Variants in GARNL3 observed in about 807,000 individuals in gnomAD.
GARNL3 encodes the protein GTPase activating Rap/RanGAP domain like 3.
A neutral mutation model predicts 125.0 loss-of-function variants in GARNL3; 63 were observed. The observed-to-expected ratio is 0.50, with a 90% CI of 0.41 to 0.62. The LOEUF (loss-of-function observed/expected upper bound fraction) is 0.62. GARNL3 is among the 20% of genes least tolerant of loss of function. The probability of loss-of-function intolerance (pLI) is 0.00; values close to 1 mark genes in which losing one functional copy is unlikely to be tolerated. For synonymous variants in GARNL3, 439 were observed against 457.5 expected (o/e 0.96, Z 0.52); for missense variants, 994 against 1,244.0 (o/e 0.80, Z 3.02).
At chr9:127,356,760 T>C (rs1033378727) in intron 20 of GARNL3, among the ~76,000 whole-genome samples, 4 of 152,240 alleles carry the variant, frequency 2.6e-5, no homozygotes, top group African/African-American at 9.6e-5. Context: ...GTGTAAACTT[T>C]GTGATGACTT....
Position 127,339,695 on chromosome 9 carries a change from C to G in GARNL3, c.1079C>G (p.Pro360Arg). ...GTACCACTCTTTGGCCCTCCCTTGC[C>G]AACTCCACCAGTGTTTACAGACCAC... is the stretch of plus-strand genomic sequence containing the variant. ...ESVPLFGPPLPTPPVFTDHQE... is the reference protein window; with the variant it reads ...ESVPLFGPPLRTPPVFTDHQE... The change falls in exon 13 of 28, where the codon CCA becomes CGA. Residue 360 changes from proline to arginine, a missense_variant. Pro to Arg is a moderately radical substitution (Grantham distance 103, BLOSUM62 -2). Coordinates refer to ENST00000373387, the MANE Select transcript of GARNL3 (RefSeq NM_032293.5). 1 of 1,613,910 alleles carries G rather than the reference C, an allele frequency of 6.2e-7. No homozygotes were observed. The highest frequency in any genetic ancestry group is 1.1e-5 in the South Asian group (1 of 91,084).
intron 1 of GARNL3, among the ~76,000 whole-genome samples, chr9:127,232,117 G>T (rs2063029160): frequency 6.6e-6 from 1 of 152,150 alleles, no homozygotes; most frequent in African/African-American, 2.4e-5. Flanking sequence ...CCCTGAGAGT[G>T]AAGTCAAAGC....
intron 1 of GARNL3, among the ~76,000 whole-genome samples, chr9:127,232,811 T>C (rs935708230): frequency 2.6e-5 from 4 of 152,220 alleles, no homozygotes; most frequent in Non-Finnish European, 5.9e-5. Context: ...ATCTTCTGGG[T>C]TGACTTTATG....
chr9:127,342,923 G>GCT (rs1829945338), intron 14 of GARNL3, among the ~76,000 whole-genome samples: 1 of 134,890 alleles, frequency 7.4e-6, no homozygotes, highest in Admixed American at 8.2e-5. Context: ...TGGAGACAGA[G>GCT]CTTCTCTCTT....
Position 127,225,731 on chromosome 9 carries a change from C to T in GARNL3, c.-29+1393C>T, listed in dbSNP as rs1436453284. Among the ~76,000 whole-genome samples the T allele has an allele frequency of 8.7e-5, 13 of 150,176 alleles. No individual in the cohort carries two copies. In the East Asian group the frequency reaches 2.6e-3, roughly 30 times the overall value. On this transcript the variant is annotated intron_variant, in intron 1 of 10. Coordinates refer to the GARNL3 transcript ENST00000439286. ...CTCAAGGGCAAGGTCGGGAGCTCAC[C>T]CCTCCGTCCACTGGAGGCTTCCTTC...
chr9:127,265,109 T>G, intron 1 of GARNL3, 88 bp downstream of exon 1: 1 of 1,178,656 alleles, frequency 8.5e-7, no homozygotes, highest in Non-Finnish European at 1.2e-6. Flanking sequence ...GTTGTATATT[T>G]ACTGTTAGAC....
intron 2 of GARNL3, among the ~76,000 whole-genome samples, chr9:127,292,593 A>G (rs1588773948): frequency 1.3e-5 from 2 of 152,176 alleles, no homozygotes; most frequent in South Asian, 4.2e-4. Flanking sequence ...AAATGGACAA[A>G]CCAAACTGGA....
chr9:127,389,921 T>TAAAA (rs1169168184), intron 26 of GARNL3, among the ~76,000 whole-genome samples: 1 of 78,686 alleles, frequency 1.3e-5, no homozygotes, highest in Admixed American at 1.5e-4. Context: ...ACCCTGTCTT[T>TAAAA]AAAAAAAAAA....
At chr9:127,234,237 T>A (rs999499057) in intron 1 of GARNL3, among the ~76,000 whole-genome samples, 1 of 152,222 alleles carries the variant, frequency 6.6e-6, no homozygotes, top group Non-Finnish European at 1.5e-5. Flanking sequence ...TTTAAATTAA[T>A]GCAAACCAGC....
upstream of GARNL3, chr9:127,264,067 T>A (rs2063649513): frequency 3.2e-6 from 3 of 944,876 alleles, no homozygotes; most frequent in Non-Finnish European, 4.7e-6. Flanking sequence ...ATGTTATTCC[T>A]ATATAATTTT....
At chr9:127,365,556 C>G (rs1831242947) in intron 22 of GARNL3, among the ~76,000 whole-genome samples, 190 bp downstream of exon 22, 1 of 152,132 alleles carries the variant, frequency 6.6e-6, no homozygotes, top group African/African-American at 2.4e-5. Flanking sequence ...CTCTTGGTGA[C>G]ACAGTGCAAG....
At chr9:127,383,330 G>A in intron 22 of GARNL3, 108 bp from the exon 23 acceptor site, 1 of 640,658 alleles carries the variant, frequency 1.6e-6, no homozygotes, top group East Asian at 2.8e-5. Flanking sequence ...TATTTATAAA[G>A]AACTAGCAGA....
At chr9:127,294,979 C>T (rs902392410) in intron 2 of GARNL3, among the ~76,000 whole-genome samples, 2 of 152,202 alleles carry the variant, frequency 1.3e-5, no homozygotes, top group African/African-American at 4.8e-5. Context: ...AAGATGGGGT[C>T]GTCAGAAAGC....
At chr9:127,379,950 C>T (rs1256744697) in intron 22 of GARNL3, among the ~76,000 whole-genome samples, 1 of 152,114 alleles carries the variant, frequency 6.6e-6, no homozygotes, top group Non-Finnish European at 1.5e-5. Flanking sequence ...GAGGCCAAAG[C>T]GGGTGGATCA....
At chr9:127,381,763 A>ATT (rs58674413) in intron 22 of GARNL3, among the ~76,000 whole-genome samples, 3 of 142,338 alleles carry the variant, frequency 2.1e-5, no homozygotes, top group Non-Finnish European at 1.5e-5. Flanking sequence ...CGCCCGGCTA[A>ATT]TTTTTTTTTT....
intron 1 of GARNL3, among the ~76,000 whole-genome samples, chr9:127,237,622 A>G (rs2131153395): frequency 6.6e-6 from 1 of 152,342 alleles, no homozygotes; most frequent in Admixed American, 6.5e-5. Context: ...AGTTGGTCAC[A>G]TAGTAGCCAA....
chr9:127,236,249 GTTA>G (rs1183381817), intron 1 of GARNL3, among the ~76,000 whole-genome samples: 2 of 152,306 alleles, frequency 1.3e-5, no homozygotes, highest in South Asian at 2.1e-4. Context: ...AGTAAAAAAT[GTTA>G]TTATCGGAAA....
At chr9:127,251,705 A>AGAATTTCTCACATATTGGTATTGGC (rs1307209621) in intron 2 of GARNL3, among the ~76,000 whole-genome samples, 6 of 152,358 alleles carry the variant, frequency 3.9e-5, no homozygotes, top group African/African-American at 1.4e-4. Context: ...TTTGAGACTA[A>AGAATTTCTCACATATTGGTATTGGC]GAATTTCTCA....
intron 21 of GARNL3, among the ~76,000 whole-genome samples, chr9:127,360,358 C>T (rs1284838646): frequency 6.6e-6 from 1 of 152,144 alleles, no homozygotes; most frequent in Non-Finnish European, 1.5e-5. Context: ...AAAACCCTTC[C>T]CTATTTCCTG....
Sources: allele counts gnomAD v4.1 joint callset (sites outside exome capture counted in the v4.1 genomes callset), GRCh38; gene constraint gnomAD v4.1.1; transcripts MANE v1.5; gene names NCBI Gene and HGNC (gene_info 2026-07-23, HGNC 2026-07-21).